Variants in RPS6KB2 observed in about 807,000 individuals in gnomAD.
RPS6KB2 encodes ribosomal protein S6 kinase beta-2.
RPS6KB2 carries 51 observed loss-of-function variants against 58.2 expected under a neutral mutation model. That is an observed-to-expected ratio of 0.88 (90% CI 0.70 to 1.11). The LOEUF (loss-of-function observed/expected upper bound fraction) is 1.11, where lower values mean the gene tolerates loss of function less well. Ranked by LOEUF, RPS6KB2 falls within the 50% of genes least tolerant of loss-of-function variation. The probability of loss-of-function intolerance (pLI) is 0.00; values close to 1 mark genes in which losing one functional copy is unlikely to be tolerated. For synonymous variants in RPS6KB2, 293 were observed against 258.6 expected (o/e 1.13, Z -1.28); for missense variants, 671 against 655.8 (o/e 1.02, Z -0.25).
chr11:67,429,047 G>A (rs1204433235), intron 2 of RPS6KB2, 25 bp downstream of exon 2: 2 of 1,613,452 alleles, frequency 1.2e-6, no homozygotes, highest in Non-Finnish European at 8.5e-7. Flanking sequence ...TGTTGGGGGA[G>A]GGGGGAATGG....
Position 67,434,204 on chromosome 11 carries a change from C to G in RPS6KB2, c.976C>G (p.Pro326Ala), listed in dbSNP as rs1271143531. The G allele has an allele frequency of 2.5e-6, 4 of 1,614,078 alleles. No homozygotes were observed. The highest frequency in any genetic ancestry group is 3.4e-6 in the Non-Finnish European group (4 of 1,180,022). Residue 326 changes from proline to alanine, a missense_variant, in exon 12 of 15, where the codon CCC becomes GCC. By Grantham distance (27) the Pro-to-Ala change is conservative. Coordinates refer to ENST00000312629, the MANE Select transcript of RPS6KB2 (RefSeq NM_003952.3). ...PGDAADVQRH[P>A]FFRHMNWDDL... ...GTGCATTCTCTACCTACAGAGACAT[C>G]CCTTTTTCCGGCACATGAATTGGGA...
chr11:67,433,554 T>C (rs1864123626), intron 10 of RPS6KB2, 107 bp downstream of exon 10: 1 of 848,896 alleles, frequency 1.2e-6, no homozygotes, highest in South Asian at 1.4e-5. Context: ...CTGTGCAGTT[T>C]GCCTCTGGGA....
rs1864185246 is a variant in RPS6KB2 at position 67,434,473 on chromosome 11, C to T, written c.1144C>T (p.Gln382Ter). The T allele has an allele frequency of 1.2e-6, 2 of 1,612,104 alleles. No homozygotes were observed. The highest frequency in any genetic ancestry group is 1.7e-6 in the Non-Finnish European group (2 of 1,179,762). The change falls in exon 13 of 15, where the codon CAG (glutamine) becomes TAG (stop). Residue 382 changes from glutamine to a stop codon, truncating the protein, a stop_gained. Transcript: ENST00000312629. LOFTEE classifies it high-confidence loss of function. ...DDTALSESAN[Q>*]AFLGFTYVAP... ...CACAGCCCTCAGCGAGAGTGCCAAC[C>T]AGGCCTTCCTGGTGAGTGCGGGGGC...
intron 1 of RPS6KB2, 72 bp from the exon 2 acceptor site, chr11:67,428,910 C>T (rs747607750): frequency 1.9e-6 from 3 of 1,574,300 alleles, no homozygotes; most frequent in East Asian, 4.5e-5. Flanking sequence ...CTGGGCCACG[C>T]AGTCCAACCT....
intron 10 of RPS6KB2, 58 bp from the exon 11 acceptor site, chr11:67,433,937 C>A: frequency 1.3e-6 from 2 of 1,595,188 alleles, no homozygotes; most frequent in Non-Finnish European, 1.7e-6. Flanking sequence ...AGCCCTGGGA[C>A]CCGGGGACAC....
At chr11:67,432,912 G>T (rs1864085420) in intron 7 of RPS6KB2, 40 bp from the exon 8 acceptor site, 1 of 1,610,328 alleles carries the variant, frequency 6.2e-7, no homozygotes, top group African/African-American at 1.3e-5. Context: ...CTGTGGGTGG[G>T]GTGGGGCCCT....
Position 67,434,583 on chromosome 11 carries a change from G to T in RPS6KB2, c.1157G>T (p.Gly386Val). ...LSESANQAFL[G>V]FTYVAPSVLD... is the part of the protein sequence containing the mutation. ...CATGGCCCTGCCTCCGCCCCCCAGG[G>T]CTTCACATACGTGGCGCCGTCTGTC... Residue 386 changes from glycine to valine, a missense_variant and splice_region_variant, in exon 14 of 15, where the codon GGC becomes GTC. Physicochemically the swap from Gly to Val is moderately radical, Grantham distance 109. Coordinates refer to ENST00000312629, the MANE Select transcript of RPS6KB2 (RefSeq NM_003952.3). 1 of 1,604,436 alleles carries T rather than the reference G, an allele frequency of 6.2e-7. No individual in the cohort carries two copies. Among genetic ancestry groups the T allele is most frequent in the Non-Finnish European group, 8.5e-7 (1 of 1,177,330 alleles).
intron 1 of RPS6KB2, 108 bp downstream of exon 1, chr11:67,428,731 AC>A: frequency 9.2e-7 from 1 of 1,085,070 alleles, no homozygotes; most frequent in Non-Finnish European, 1.3e-6. Context: ...CTCTTTGCAG[AC>A]CCAGATCCTT....
At chr11:67,431,610 CTG>C (rs1864024900) in intron 5 of RPS6KB2, 95 bp downstream of exon 5, 1 of 1,338,608 alleles carries the variant, frequency 7.5e-7, no homozygotes, top group African/African-American at 1.5e-5. Flanking sequence ...AGAGATGAGT[CTG>C]TGGGGGTTGG....
At chr11:67,433,309 C>T (rs372761322) in intron 9 of RPS6KB2, 31 bp from the exon 10 acceptor site, 3 of 1,604,468 alleles carry the variant, frequency 1.9e-6, no homozygotes, top group African/African-American at 2.7e-5. Flanking sequence ...GGGAGGCCCA[C>T]AAGGCTCCTC....
At chr11:67,429,849 T>C in intron 4 of RPS6KB2, 3 of 393,080 alleles carry the variant, frequency 7.6e-6, no homozygotes, top group Non-Finnish European at 1.4e-5. Flanking sequence ...AGTCTTGCTC[T>C]GTCACCCAGG....
intron 8 of RPS6KB2, 35 bp downstream of exon 8, chr11:67,433,077 G>A (rs1234597624): frequency 1.2e-6 from 2 of 1,612,406 alleles, no homozygotes; most frequent in Non-Finnish European, 1.7e-6. Context: ...GGGTCGGGAG[G>A]ACAGCCCGAA....
Position 67,435,237 on chromosome 11 carries a change from G to A in RPS6KB2, c.*68G>A, listed in dbSNP as rs955967563. 50 of 1,380,058 alleles carry A rather than the reference G, an allele frequency of 3.6e-5. 1 individual carries two copies. Among genetic ancestry groups the A allele is most frequent in the Non-Finnish European group, 3.0e-5 (31 of 1,039,086 alleles). The allele number at this position is 1,380,058 out of a possible 1,614,324, so 85.5% of individuals were successfully genotyped here. On this transcript the variant is annotated 3_prime_UTR_variant, in exon 15 of 15. Coordinates refer to ENST00000312629, the MANE Select transcript of RPS6KB2 (RefSeq NM_003952.3). ...GCGGCTGTGAGAGCAGCAGGACCCT[G>A]GGCCAGTTCCAGAGACCTGGGGGTG...
chr11:67,432,262 T>C (rs755210274), intron 5 of RPS6KB2: 216 of 562,534 alleles, frequency 3.8e-4, no homozygotes, highest in Non-Finnish European at 4.1e-4. Context: ...GTCTTCCCTG[T>C]CTTCTCTGCG....
rs1864194962 is a variant in RPS6KB2 at position 67,434,597 on chromosome 11, G to C, written c.1171G>C (p.Ala391Pro). The part of the protein sequence containing the change: ...NQAFLGFTYV[A>P]PSVLDSIKEG... ...CGCCCCCCAGGGCTTCACATACGTG[G>C]CGCCGTCTGTCCTGGACAGCATCAA... is the stretch of plus-strand genomic sequence containing the variant. The change falls in exon 14 of 15, where the codon GCG becomes CCG. Residue 391 changes from alanine (A) to proline (P), a missense_variant. Transcript: ENST00000312629. 1 of 1,606,010 alleles carries C rather than the reference G, an allele frequency of 6.2e-7. No individual in the cohort carries two copies. Among genetic ancestry groups the C allele is most frequent in the Admixed American group, 1.7e-5 (1 of 59,216 alleles).
In RPS6KB2 at chr11:67,431,376, T is replaced by C. The variant is rs1341170619; in HGVS notation, c.318T>C (p.Ile106=). The part of the protein sequence containing the change: ...YAMKVLRKAK[I]VRNAKDTAHT... ...AATTCCTGTATCTCCAGGCCAAAAT[T>C]GTGCGCAATGCCAAGGACACAGCAC... Residue 106 remains isoleucine (I), a synonymous_variant, in exon 5 of 15, where the codon ATT becomes ATC. Coordinates refer to ENST00000312629, the MANE Select transcript of RPS6KB2 (RefSeq NM_003952.3). 6.2e-6 allele frequency: 10 copies of C among 1,613,708 alleles called. No individual in the cohort carries two copies. The highest frequency in any genetic ancestry group is 8.5e-6 in the Non-Finnish European group (10 of 1,179,846).
rs776029111 is a variant in RPS6KB2, at chr11:67,434,004, C to T, written c.916C>T (p.Arg306Trp). ...TCTCCTGGTCCCGCAGTTTCTGAAA[C>T]GGAATCCCAGCCAGCGGATTGGGGG... is the stretch of plus-strand genomic sequence containing the variant. ...ARDLVKKFLK[R>W]NPSQRIGGGP... The change falls in exon 11 of 15, where the codon CGG becomes TGG. Residue 306 changes from arginine to tryptophan, a missense_variant. Transcript: ENST00000312629. 2.4e-5 allele frequency: 39 copies of T among 1,613,998 alleles called. No individual in the cohort carries two copies. Among genetic ancestry groups the T allele is most frequent in the South Asian group, 1.4e-4 (13 of 91,090 alleles).
chr11:67,434,155 C>G (rs374309806), intron 11 of RPS6KB2, 43 bp from the exon 12 acceptor site: 3 of 1,611,856 alleles, frequency 1.9e-6, no homozygotes, highest in Non-Finnish European at 2.5e-6. Flanking sequence ...GGGGGGCAAG[C>G]AGGGTGAGCT....
At chr11:67,431,249 C>G (rs1864010634) in intron 4 of RPS6KB2, 119 bp from the exon 5 acceptor site, 2 of 950,876 alleles carry the variant, frequency 2.1e-6, no homozygotes, top group Non-Finnish European at 1.6e-6. Flanking sequence ...AGGCTGGTCT[C>G]AAATTCCTGA....
Sources: gnomAD v4.1 joint callset for allele counts on GRCh38, gnomAD v4.1.1 for gene constraint, MANE v1.5 for transcripts, NCBI Gene and HGNC (gene_info 2026-07-23, HGNC 2026-07-21) for gene names.